Variants in BMP1 observed in about 807,000 individuals in gnomAD.
BMP1 encodes the protein mammalian tolloid protein.
A neutral mutation model predicts 116.8 loss-of-function variants in BMP1; 63 were observed. The ratio of observed to expected loss-of-function variants is 0.54; its 90% CI spans 0.44 to 0.67. The LOEUF is 0.67. Among genes scored for constraint, BMP1 ranks in the 30% least tolerant of loss-of-function variants. The pLI, the probability that BMP1 is intolerant of heterozygous loss-of-function variation, is 0.00. For missense variants in BMP1, 1,183 were observed against 1,358.9 expected, an observed-to-expected ratio of 0.87 and a Z score of 2.04; for synonymous variants, 536 against 533.4, an observed-to-expected ratio of 1.00 and a Z score of -0.07.
intron 18 of BMP1, 124 bp downstream of exon 18, chr8:22,207,640 G>A (rs2131902891): frequency 3.6e-6 from 4 of 1,117,772 alleles, no homozygotes; most frequent in African/African-American, 1.6e-5. Flanking sequence ...GGCCAGGGTT[G>A]TGGGTGATGC....
chr8:22,167,527 G>A (rs775170684), intron 1 of BMP1, among the ~76,000 whole-genome samples: 13 of 152,208 alleles, frequency 8.5e-5, no homozygotes, highest in Non-Finnish European at 1.5e-4. Flanking sequence ...AAGCCATTCT[G>A]ATGTCTTTCC....
intron 1 of BMP1, among the ~76,000 whole-genome samples, chr8:22,168,624 C>T (rs1053356974): frequency 8.5e-5 from 13 of 152,268 alleles, no homozygotes; most frequent in East Asian, 3.9e-4. Flanking sequence ...CCCAGGGGGA[C>T]GCCTGGCCAA....
At chr8:22,201,184 G>A (rs1388379058) in intron 15 of BMP1, 1 of 1,607,882 alleles carries the variant, frequency 6.2e-7, no homozygotes. Context: ...GTGCAGAAAA[G>A]AAACCGGACC....
At chr8:22,192,929 T>G (rs921064139) in intron 9 of BMP1, among the ~76,000 whole-genome samples, 25 of 152,222 alleles carry the variant, frequency 1.6e-4, no homozygotes, top group African/African-American at 5.8e-4. Context: ...AGACGGATAT[T>G]GCTAACCTCT....
chr8:22,181,188 C>T (rs547882070), intron 8 of BMP1, among the ~76,000 whole-genome samples: 2 of 152,358 alleles, frequency 1.3e-5, no homozygotes, highest in East Asian at 3.9e-4. Flanking sequence ...CCTCCCTCTA[C>T]CTGTCACCTG....
intron 8 of BMP1, among the ~76,000 whole-genome samples, chr8:22,181,720 T>C (rs1325893976): frequency 6.6e-6 from 1 of 152,070 alleles, no homozygotes; most frequent in African/African-American, 2.4e-5. Flanking sequence ...GCCCGGCAAT[T>C]TTTTTTCTAT....
Position 22,211,780 on chromosome 8 carries a change from G to C in BMP1, c.*52G>C. The C allele has an allele frequency of 6.2e-7, 1 of 1,612,984 alleles. No homozygotes were observed. Among genetic ancestry groups the C allele is most frequent in the East Asian group, 2.2e-5 (1 of 44,862 alleles). On this transcript the variant is annotated 3_prime_UTR_variant, in exon 20 of 20. Transcript: ENST00000306385. ...GGAGCCTGCTGCCCTTGGTCGCCTA[G>C]ACTGGATAGTGGGGGTGGGCGGAAG...
rs2131907891 is a variant in BMP1, at chr8:22,211,812, C to T, written c.*84C>T. On this transcript the variant is annotated 3_prime_UTR_variant, in exon 20 of 20. Coordinates refer to ENST00000306385, the MANE Select transcript of BMP1 (RefSeq NM_006129.5). ...TAGTGGGGGTGGGCGGAAGGCAACG[C>T]ACCATCCCTCTCCCCCAGGCCCCAG... 1.9e-6 allele frequency: 3 copies of T among 1,592,962 alleles called. 1 individual carries two copies. The South Asian group carries it at 3.3e-5, about 18-fold the overall frequency.
chr8:22,193,768 A>C lies in BMP1; in HGVS notation c.1181-290A>C, dbSNP rs149076167. On this transcript the variant is annotated intron_variant, in intron 9 of 19. Transcript: ENST00000306385. ...CACTGCACTCCAGCCTGGGTGACAG[A>C]GCGAGACTCCATCTCAAAAAAATAA... Among the ~76,000 whole-genome samples the C allele has an allele frequency of 0.048, 7,280 of 152,332 alleles. 280 individuals carry two copies. Among genetic ancestry groups the C allele is most frequent in the Admixed American group, 0.092 (1,413 of 15,296 alleles).
At chr8:22,210,202 C>T (rs1829436641) in intron 19 of BMP1, among the ~76,000 whole-genome samples, 1 of 152,220 alleles carries the variant, frequency 6.6e-6, no homozygotes, top group African/African-American at 2.4e-5. Context: ...GCTCTTGCTG[C>T]TGCTGTCCCA....
intron 16 of BMP1, among the ~76,000 whole-genome samples, chr8:22,203,123 T>C (rs1476374065): frequency 6.6e-6 from 1 of 152,224 alleles, no homozygotes; most frequent in African/African-American, 2.4e-5. Flanking sequence ...AAGTCAGGGA[T>C]TCCACTGTGG....
At position 22,203,633 on chromosome 8, in the gene BMP1, C is replaced by T. The variant is rs148824730; in HGVS notation, c.2233+1705C>T. ...TATAGACATGGCTCTGAGCCATTAG[C>T]ACCATGCTTGGCAAGTGACTCTTCC... On this transcript the variant is annotated intron_variant, in intron 16 of 19. Transcript: ENST00000306385. Among the ~76,000 whole-genome samples the T allele has an allele frequency of 3.9e-4, 60 of 152,304 alleles. 1 individual carries two copies. The highest frequency in any genetic ancestry group is 6.8e-3 in the Middle Eastern group (2 of 294).
intron 8 of BMP1, among the ~76,000 whole-genome samples, chr8:22,190,786 A>G (rs1299920173): frequency 6.6e-6 from 1 of 152,012 alleles, no homozygotes; most frequent in African/African-American, 2.4e-5. Flanking sequence ...CCTGGCCTCC[A>G]CTCTGCCTCT....
At chr8:22,176,794 C>A in intron 4 of BMP1, 144 bp downstream of exon 4, 2 of 1,037,014 alleles carry the variant, frequency 1.9e-6, no homozygotes, top group Admixed American at 1.9e-5. Context: ...AGGAACTGCC[C>A]CCTGTGCGGC....
intron 1 of BMP1, among the ~76,000 whole-genome samples, chr8:22,168,612 C>T (rs775847082): frequency 2.0e-5 from 3 of 152,168 alleles, no homozygotes; most frequent in Non-Finnish European, 4.4e-5. Context: ...ATCCCCATCC[C>T]ACCCAGGGGG....
chr8:22,212,007 G>A lies in BMP1; in HGVS notation c.*279G>A. 2 of 479,920 alleles carry A rather than the reference G, an allele frequency of 4.2e-6. No individual in the cohort carries two copies. Among genetic ancestry groups the A allele is most frequent in the East Asian group, 3.6e-5 (1 of 27,810 alleles). 29.7% of individuals were successfully genotyped at this position (479,920 alleles called of 1,614,324 possible). On this transcript the variant is annotated 3_prime_UTR_variant, in exon 20 of 20. Transcript: ENST00000306385. ...ATTCCTCTCTTAGGGGGCCCTGCCT[G>A]GTGGCAAGAGGGAATGTCAGCAGGA...
At chr8:22,178,087 G>T (rs1488104424) in intron 6 of BMP1, 130 bp downstream of exon 6, 1 of 743,326 alleles carries the variant, frequency 1.3e-6, no homozygotes, top group East Asian at 2.6e-5. Context: ...GGGGGCTGTG[G>T]CCTCCAAGCA....
rs559021644 is a variant in BMP1, at chr8:22,169,512, C to T, written c.148+3959C>T. 9 of 152,408 alleles carry T rather than the reference C, an allele frequency of 5.9e-5. No individual in the cohort carries two copies. The South Asian group carries it at 1.9e-3, about 32-fold the overall frequency. 9.4% of individuals were successfully genotyped at this position (152,408 alleles called of 1,614,324 possible). A position where few individuals can be genotyped will look rare whatever the true frequency, so the allele number is the denominator to read the frequency against. On this transcript the variant is annotated intron_variant, in intron 1 of 19. Coordinates refer to ENST00000306385, the MANE Select transcript of BMP1 (RefSeq NM_006129.5). ...GTGCATATGCGTGGGTGTGTCGCTG[C>T]CTTGTAGGCAAGCATGTTCACCTGT...
chr8:22,211,088 T>TG (rs967015527), intron 19 of BMP1, among the ~76,000 whole-genome samples: 1 of 151,938 alleles, frequency 6.6e-6, no homozygotes, highest in Non-Finnish European at 1.5e-5. Context: ...AGTCCAGGCC[T>TG]GGGGGGCACT....
Sources: gnomAD v4.1 joint callset for allele counts (sites outside exome capture counted in the v4.1 genomes callset) on GRCh38, gnomAD v4.1.1 for gene constraint, MANE v1.5 for transcripts, NCBI Gene and HGNC (gene_info 2026-07-23, HGNC 2026-07-21) for gene names.